Variants in INTU observed in about 807,000 individuals in gnomAD.
INTU encodes the protein inturned planar cell polarity protein, also known as protein inturned.
A neutral mutation model predicts 100.5 loss-of-function variants in INTU; 68 were observed. The observed-to-expected ratio is 0.68, with a 90% CI of 0.56 to 0.83. INTU has a LOEUF of 0.83. INTU is among the 40% of genes least tolerant of loss of function. The pLI is 0.00. For missense variants in INTU, 1,071 were observed against 1,114.7 expected, an observed-to-expected ratio of 0.96 and a Z score of 0.56; for synonymous variants, 357 against 395.7, an observed-to-expected ratio of 0.90 and a Z score of 1.16.
intron 3 of INTU, among the ~76,000 whole-genome samples, chr4:127,662,002 C>T (rs556582149): frequency 6.6e-6 from 1 of 152,010 alleles, no homozygotes; most frequent in South Asian, 2.1e-4. Flanking sequence ...GTGGTAGGTA[C>T]CTCATTTTAT....
At chr4:127,682,774 T>G (rs947147269) in intron 6 of INTU, among the ~76,000 whole-genome samples, 3 of 151,362 alleles carry the variant, frequency 2.0e-5, no homozygotes, top group African/African-American at 7.3e-5. Context: ...TAAAAATAAA[T>G]AAAAGAAAAG....
chr4:127,661,923 C>T (rs1055088395), intron 3 of INTU, among the ~76,000 whole-genome samples: 1 of 152,098 alleles, frequency 6.6e-6, no homozygotes, highest in Non-Finnish European at 1.5e-5. Flanking sequence ...TAAGCGTTCC[C>T]TTTTCACCAC....
At chr4:127,657,816 G>C (rs1190476674) in intron 3 of INTU, among the ~76,000 whole-genome samples, 1 of 151,818 alleles carries the variant, frequency 6.6e-6, no homozygotes, top group Non-Finnish European at 1.5e-5. Flanking sequence ...ATGGTGAGTT[G>C]TATAATTATT....
intron 5 of INTU, among the ~76,000 whole-genome samples, chr4:127,672,930 A>T (rs541594941): frequency 4.6e-5 from 7 of 152,370 alleles, no homozygotes; most frequent in African/African-American, 1.7e-4. Context: ...TGTAAAATGT[A>T]CAATTTGAAT....
Position 127,710,976 on chromosome 4 carries a change from C to A in INTU, c.2433C>A (p.Ile811=). 4 of 1,594,884 alleles carry A rather than the reference C, an allele frequency of 2.5e-6. No homozygotes were observed. Among genetic ancestry groups the A allele is most frequent in the Non-Finnish European group, 3.4e-6 (4 of 1,167,086 alleles). ...HYVALETVQG[I]FITPTLEEVA... ...TTGCCTTAGAAACAGTGCAAGGAAT[C>A]TTTATTACTCCTACCCTTGAAGAGG... The change falls in exon 14 of 16, where the codon ATC becomes ATA. Residue 811 remains isoleucine (I), a synonymous_variant. Transcript: ENST00000335251.
In INTU at chr4:127,678,941, G is replaced by A. The variant is rs538974380; in HGVS notation, c.1181+4728G>A. On this transcript the variant is annotated intron_variant, in intron 6 of 15. Transcript: ENST00000335251. ...GCAAATGGAAAACAAAAAAAAGGCA[G>A]GGGTTGCAATCCTAGTCTCTGATAA... 1.0e-2 allele frequency among the ~76,000 whole-genome samples: 1,513 copies of A among 151,964 alleles called. 20 individuals are homozygous for A. Among genetic ancestry groups the A allele is most frequent in the African/African-American group, 0.034 (1,408 of 41,438 alleles).
At chr4:127,656,288 T>G (rs1728219199) in intron 2 of INTU, among the ~76,000 whole-genome samples, 1 of 152,224 alleles carries the variant, frequency 6.6e-6, no homozygotes, top group Non-Finnish European at 1.5e-5. Flanking sequence ...GATTCAGTTT[T>G]GTCAAGTACA....
intron 1 of INTU, among the ~76,000 whole-genome samples, chr4:127,639,753 C>A (rs1239968687): frequency 6.6e-6 from 1 of 152,060 alleles, no homozygotes; most frequent in Non-Finnish European, 1.5e-5. Context: ...ATATGTTTAT[C>A]ATTTCTTTGT....
At chr4:127,680,834 A>C (rs2126222855) in intron 6 of INTU, among the ~76,000 whole-genome samples, 1 of 152,042 alleles carries the variant, frequency 6.6e-6, no homozygotes, top group African/African-American at 2.4e-5. Flanking sequence ...AGATGACATA[A>C]TTGTATATCT....
Position 127,706,851 on chromosome 4 carries a change from A to G in INTU, c.2153A>G (p.Asn718Ser), listed in dbSNP as rs986607451. Residue 718 changes from asparagine to serine, a missense_variant, in exon 12 of 16, where the codon AAT becomes AGT. By Grantham distance (46) the Asn-to-Ser change is conservative. Coordinates refer to ENST00000335251, the MANE Select transcript of INTU (RefSeq NM_015693.4). ...TCCTGTAGTAGTGGAGGATCTGACA[A>G]TGGTTGTGAAGGTGGAGAAGATGAT... Reference protein sequence around the residue: ...SPSCSSGGSDNGCEGGEDDGF... With the variant: ...SPSCSSGGSDSGCEGGEDDGF... The G allele has an allele frequency of 2.5e-6, 4 of 1,613,954 alleles. No homozygotes were observed. Among genetic ancestry groups the G allele is most frequent in the African/African-American group, 2.7e-5 (2 of 74,898 alleles).
intron 7 of INTU, chr4:127,687,145 G>A (rs1729863898): frequency 6.6e-6 from 1 of 152,098 alleles, no homozygotes; most frequent in Non-Finnish European, 1.5e-5. Flanking sequence ...TTATGTTCTA[G>A]GCATTCTGCA....
At chr4:127,707,392 CAA>C (rs71587331) in intron 12 of INTU, among the ~76,000 whole-genome samples, 3 of 44,582 alleles carry the variant, frequency 6.7e-5, no homozygotes, top group African/African-American at 2.9e-4. Flanking sequence ...GACTCTGTCT[CAA>C]AAAAAAAAAA....
chr4:127,640,387 C>T (rs987752140), intron 1 of INTU, among the ~76,000 whole-genome samples: 1 of 151,536 alleles, frequency 6.6e-6, no homozygotes, highest in Admixed American at 6.6e-5. Context: ...TTCCCTGTCT[C>T]TACCTCTTTA....
chr4:127,681,404 GAT>G (rs1406851642), intron 6 of INTU, among the ~76,000 whole-genome samples: 4 of 152,104 alleles, frequency 2.6e-5, no homozygotes, highest in African/African-American at 9.7e-5. Context: ...CCAAAACAGA[GAT>G]ATAGATCAAT....
At chr4:127,647,591 A>G (rs1727645145) in intron 2 of INTU, among the ~76,000 whole-genome samples, 1 of 152,202 alleles carries the variant, frequency 6.6e-6, no homozygotes, top group Admixed American at 6.5e-5. Context: ...GTAAGGTAGC[A>G]TATTCAGAGA....
Position 127,642,677 on chromosome 4 carries a change from A to C in INTU, c.147-844A>C, listed in dbSNP as rs1252435138. ...TTTAAAGAATAGCAGTTTGAAAGGT[A>C]AACTGTTCATAACATTGAACAGGGT... On this transcript the variant is annotated intron_variant, in intron 1 of 15. Coordinates refer to ENST00000335251, the MANE Select transcript of INTU (RefSeq NM_015693.4). Among the ~76,000 whole-genome samples, 14 of 152,202 alleles carry C rather than the reference A, an allele frequency of 9.2e-5. 1 individual carries two copies. The highest frequency in any genetic ancestry group is 3.3e-4 in the Admixed American group (5 of 15,280).
rs1358439390 is a variant in INTU, at chr4:127,706,697, A to G, written c.1999A>G (p.Lys667Glu). 2 of 1,614,114 alleles carry G rather than the reference A, an allele frequency of 1.2e-6. No individual in the cohort carries two copies. The highest frequency in any genetic ancestry group is 1.7e-5 in the Admixed American group (1 of 59,992). ...CTGGTTCCTTACTGGATCACGTGAA[A>G]AAACAGATAGCTTGACCACTTCGCC... ...ADWFLTGSRE[K>E]TDSLTTSPIL... The change falls in exon 12 of 16, where the codon AAA (lysine) becomes GAA (glutamate). Residue 667 changes from lysine (K) to glutamate (E), a missense_variant. Coordinates refer to ENST00000335251, the MANE Select transcript of INTU (RefSeq NM_015693.4).
At position 127,726,036 on chromosome 4, in the gene INTU, C is replaced by G. The variant is rs1731412044; in HGVS notation, c.*9600C>G. On this transcript the variant is annotated 3_prime_UTR_variant, in exon 16 of 16. Transcript: ENST00000335251. Reference sequence around the variant, plus strand: ...TTAGTATGCAAATGTTCCCTTCCACCAACAACTATTAATGTGAAAAACTAT... The same window carrying G: ...TTAGTATGCAAATGTTCCCTTCCACGAACAACTATTAATGTGAAAAACTAT... The G allele has an allele frequency of 6.6e-6, 1 of 152,102 alleles. No homozygotes were observed. Among genetic ancestry groups the G allele is most frequent in the South Asian group, 2.1e-4 (1 of 4,822 alleles). 9.4% of individuals were successfully genotyped at this position (152,102 alleles called of 1,614,324 possible). A position where few individuals can be genotyped will look rare whatever the true frequency, so the allele number is the denominator to read the frequency against.
chr4:127,680,443 G>C (rs1729476619), intron 6 of INTU, among the ~76,000 whole-genome samples: 1 of 127,020 alleles, frequency 7.9e-6, no homozygotes, highest in African/African-American at 3.0e-5. Flanking sequence ...TGCAAGGCTG[G>C]TTCAATATAT....
Sources: gnomAD v4.1 joint callset for allele counts (sites outside exome capture counted in the v4.1 genomes callset) on GRCh38, gnomAD v4.1.1 for gene constraint, MANE v1.5 for transcripts, NCBI Gene and HGNC (gene_info 2026-07-23, HGNC 2026-07-21) for gene names.